KCNH7: variants seen among roughly 807,000 people sequenced by gnomAD.
KCNH7 encodes the protein potassium voltage-gated channel subfamily H member 7, also known as voltage-gated inwardly rectifying potassium channel KCNH7.
In KCNH7, 49 loss-of-function variants were observed where a neutral mutation model predicts 120.8. The ratio of observed to expected loss-of-function variants is 0.41; its 90% confidence interval spans 0.32 to 0.51. KCNH7 has a LOEUF of 0.51. Among genes scored for constraint, KCNH7 ranks in the 20% least tolerant of loss-of-function variants. The pLI is 0.38. For synonymous variants in KCNH7, 547 were observed against 516.1 expected (o/e 1.06, Z -0.81); for missense variants, 1,097 against 1,446.6 (o/e 0.76, Z 3.92).
rs557385975 is a variant in KCNH7, at chr2:162,394,445, C to G, written c.2654G>C (p.Gly885Ala). ...LRSQSMNDSE[G>A]DNCKLRRRKL... is the part of the protein sequence containing the mutation. Reference sequence around the variant, plus strand: ...CCTTCTTCTTAGTTTACAGTTGTCTCCTTCTGAATCATTCATGGATTGTGA... The same window carrying G: ...CCTTCTTCTTAGTTTACAGTTGTCTGCTTCTGAATCATTCATGGATTGTGA... The change falls in exon 12 of 16, where the codon GGA becomes GCA. Residue 885 changes from glycine to alanine, a missense_variant. Around this residue, in one of 8 missense-constraint regions of KCNH7, gnomAD observed 406 missense variants for 410.5 expected, o/e 0.99. Transcript: ENST00000332142. 2.0e-5 allele frequency: 32 copies of G among 1,607,318 alleles called. No individual in the cohort carries two copies. Among genetic ancestry groups the G allele is most frequent in the Middle Eastern group, 3.3e-4 (2 of 6,016 alleles).
intron 2 of KCNH7, among the ~76,000 whole-genome samples, chr2:162,545,796 A>T (rs1260440434): frequency 6.6e-6 from 1 of 152,194 alleles, no homozygotes; most frequent in Non-Finnish European, 1.5e-5. Flanking sequence ...AAGAAATTTT[A>T]TGAGATAACT....
intron 6 of KCNH7, among the ~76,000 whole-genome samples, chr2:162,488,138 G>C (rs1161286722): frequency 6.6e-6 from 1 of 152,170 alleles, no homozygotes; most frequent in African/African-American, 2.4e-5. Context: ...AGAAAGACCT[G>C]AGCCATCTTG....
intron 2 of KCNH7, among the ~76,000 whole-genome samples, chr2:162,656,071 T>G (rs1027300092): frequency 6.6e-6 from 1 of 152,196 alleles, no homozygotes; most frequent in Non-Finnish European, 1.5e-5. Flanking sequence ...TCAAAAAGAT[T>G]CCATTGTACT....
chr2:162,695,208 C>G (rs929125662), intron 2 of KCNH7, among the ~76,000 whole-genome samples: 1 of 152,070 alleles, frequency 6.6e-6, no homozygotes, highest in East Asian at 1.9e-4. Flanking sequence ...CCTAAGGAAG[C>G]AAGTTGGAAA....
At chr2:162,583,974 C>G (rs559849602) in intron 2 of KCNH7, among the ~76,000 whole-genome samples, 2 of 152,200 alleles carry the variant, frequency 1.3e-5, no homozygotes, top group Non-Finnish European at 2.9e-5. Context: ...ACCCAATAAT[C>G]AAGCACATTG....
chr2:162,779,639 C>G (rs1473997924), intron 2 of KCNH7, among the ~76,000 whole-genome samples: 1 of 152,170 alleles, frequency 6.6e-6, no homozygotes, highest in African/African-American at 2.4e-5. Flanking sequence ...ACTTTTTAAT[C>G]CAAATGCCAT....
intron 6 of KCNH7, among the ~76,000 whole-genome samples, chr2:162,461,290 C>G (rs770114645): frequency 6.6e-5 from 10 of 152,160 alleles, no homozygotes; most frequent in Non-Finnish European, 4.4e-5. Flanking sequence ...CCCAGCTCTG[C>G]CTTGGCCATT....
chr2:162,798,261 A>T (rs774046621), intron 2 of KCNH7, among the ~76,000 whole-genome samples: 1 of 152,072 alleles, frequency 6.6e-6, no homozygotes, highest in African/African-American at 2.4e-5. Flanking sequence ...TTTAAAATTT[A>T]CATTTTATTC....
intron 2 of KCNH7, among the ~76,000 whole-genome samples, chr2:162,738,088 AAAAG>A (rs1330361927): frequency 6.6e-6 from 1 of 151,590 alleles, no homozygotes; most frequent in African/African-American, 2.4e-5. Context: ...AAAAAAAAAA[AAAAG>A]TTGTGAAAAA....
At chr2:162,448,835 G>T (rs1467728588) in intron 6 of KCNH7, among the ~76,000 whole-genome samples, 2 of 152,132 alleles carry the variant, frequency 1.3e-5, no homozygotes, top group Admixed American at 6.6e-5. Flanking sequence ...GGAGTTTGTA[G>T]TCTGTTTGGA....
At position 162,603,130 on chromosome 2, in the gene KCNH7, G is replaced by A. The variant is rs114401425; in HGVS notation, c.308-66050C>T. 4.5e-3 allele frequency among the ~76,000 whole-genome samples: 691 copies of A among 151,966 alleles called. 7 individuals are homozygous for A. Among genetic ancestry groups the A allele is most frequent in the African/African-American group, 0.016 (661 of 41,474 alleles). ...GCAACAATTCTTTGATTTTTGAGGT[G>A]TAGGGTCACTAGTTTTCATTTATCC... On this transcript the variant is annotated intron_variant, in intron 2 of 15. Transcript: ENST00000332142.
At position 162,838,732 on chromosome 2, in the gene KCNH7, C is replaced by T. The variant is rs1176086903; in HGVS notation, c.-214G>A. On this transcript the variant is annotated 5_prime_UTR_variant, in exon 1 of 16. Coordinates refer to ENST00000332142, the MANE Select transcript of KCNH7 (RefSeq NM_033272.4). ...TCCCCTCACCTTCCGGAGGGGGCCT[C>T]GCACCGGACTGCCGCGGGTGAGAGG... 1.7e-5 allele frequency: 6 copies of T among 361,602 alleles called. No individual in the cohort carries two copies. The highest frequency in any genetic ancestry group is 6.4e-5 in the African/African-American group (3 of 46,826). The allele number at this position is 361,602 out of a possible 1,614,324, so 22.4% of individuals were successfully genotyped here. A position where few individuals can be genotyped will look rare whatever the true frequency, so the allele number is the denominator to read the frequency against.
rs145119552 is a variant in KCNH7, at chr2:162,609,462, G to A, written c.308-72382C>T. 1.5e-3 allele frequency among the ~76,000 whole-genome samples: 228 copies of A among 152,002 alleles called. 1 individual carries two copies. Among genetic ancestry groups the A allele is most frequent in the African/African-American group, 5.3e-3 (218 of 41,458 alleles). Reference sequence around the variant, plus strand: ...ACAGGATTTTTTAAGGGACTGTATTGGATTTTTCCCTTGCGTTGTTGTCCT... The same window carrying A: ...ACAGGATTTTTTAAGGGACTGTATTAGATTTTTCCCTTGCGTTGTTGTCCT... On this transcript the variant is annotated intron_variant, in intron 2 of 15. Coordinates refer to ENST00000332142, the MANE Select transcript of KCNH7 (RefSeq NM_033272.4).
At chr2:162,380,046 T>A (rs549008338) in intron 13 of KCNH7, 25 bp from the exon 14 acceptor site, 1 of 1,612,502 alleles carries the variant, frequency 6.2e-7, no homozygotes, top group African/African-American at 1.3e-5. Context: ...AAGATGGATG[T>A]CAACACTCTT....
intron 2 of KCNH7, among the ~76,000 whole-genome samples, chr2:162,695,131 G>A (rs557075285): frequency 1.3e-5 from 2 of 152,214 alleles, no homozygotes; most frequent in South Asian, 4.2e-4. Flanking sequence ...ACTAAATCTA[G>A]CTATTCTTAT....
At chr2:162,618,925 A>G (rs1178657731) in intron 2 of KCNH7, among the ~76,000 whole-genome samples, 1 of 152,270 alleles carries the variant, frequency 6.6e-6, no homozygotes, top group East Asian at 1.9e-4. Context: ...ATATTTATTC[A>G]TGCTTGTTTG....
At chr2:162,540,160 T>G (rs560454326) in intron 2 of KCNH7, among the ~76,000 whole-genome samples, 1 of 152,224 alleles carries the variant, frequency 6.6e-6, no homozygotes, top group South Asian at 2.1e-4. Flanking sequence ...ATTTCAGACC[T>G]TGTTAAATGA....
At chr2:162,484,324 C>G (rs1193871329) in intron 6 of KCNH7, among the ~76,000 whole-genome samples, 1 of 151,968 alleles carries the variant, frequency 6.6e-6, no homozygotes, top group African/African-American at 2.4e-5. Flanking sequence ...TTCGTTGAAT[C>G]TGGGGAAGTG....
At chr2:162,472,004 A>T (rs540679474) in intron 6 of KCNH7, among the ~76,000 whole-genome samples, 1 of 152,224 alleles carries the variant, frequency 6.6e-6, no homozygotes, top group African/African-American at 2.4e-5. Context: ...TCCCTATTTA[A>T]TAAATGGTGC....
Sources: allele counts gnomAD v4.1 joint callset (sites outside exome capture counted in the v4.1 genomes callset), GRCh38; gene constraint gnomAD v4.1.1; regional missense constraint gnomAD v4.1.1; transcripts MANE v1.5; gene names NCBI Gene and HGNC (gene_info 2026-07-23, HGNC 2026-07-21).